Variants in ARHGAP22 observed in about 807,000 individuals in gnomAD.
ARHGAP22 encodes Rho GTPase activating protein 22.
In ARHGAP22, 48 loss-of-function variants were observed where a neutral mutation model predicts 59.1. The observed-to-expected ratio is 0.81, with a 90% CI of 0.64 to 1.03. ARHGAP22 has a LOEUF of 1.03. Ranked by LOEUF, ARHGAP22 falls within the 50% of genes least tolerant of loss-of-function variation. The probability of loss-of-function intolerance (pLI) is 0.00; values close to 1 mark genes in which losing one functional copy is unlikely to be tolerated. For missense variants in ARHGAP22, 1,015 were observed against 958.7 expected, an observed-to-expected ratio of 1.06 and a Z score of -0.78; for synonymous variants, 445 against 416.4, an observed-to-expected ratio of 1.07 and a Z score of -0.84.
chr10:48,508,487 G>A (rs915936820), intron 3 of ARHGAP22, among the ~76,000 whole-genome samples: 17 of 152,254 alleles, frequency 1.1e-4, no homozygotes, highest in African/African-American at 4.1e-4. Context: ...TCCACTGTGA[G>A]GCCCACTGCA....
chr10:48,443,345 C>T (rs1466372033), downstream of ARHGAP22, among the ~76,000 whole-genome samples: 1 of 152,154 alleles, frequency 6.6e-6, no homozygotes, highest in Non-Finnish European at 1.5e-5. Flanking sequence ...AACCTCTCAC[C>T]ATGGGCGATA....
At chr10:48,620,210 T>G (rs1320615312) in intron 1 of ARHGAP22, among the ~76,000 whole-genome samples, 1 of 152,096 alleles carries the variant, frequency 6.6e-6, no homozygotes, top group East Asian at 1.9e-4. Context: ...TGGAGCACAG[T>G]TGATTCTTGC....
At chr10:48,575,970 G>A (rs1164297535) in intron 2 of ARHGAP22, among the ~76,000 whole-genome samples, 1 of 152,186 alleles carries the variant, frequency 6.6e-6, no homozygotes, top group East Asian at 1.9e-4. Flanking sequence ...CTCTCCTCTT[G>A]GGGCTCTGAT....
At chr10:48,629,835 A>G (rs1472199063) in intron 1 of ARHGAP22, among the ~76,000 whole-genome samples, 1 of 152,258 alleles carries the variant, frequency 6.6e-6, no homozygotes, top group Non-Finnish European at 1.5e-5. Context: ...CCGCAAACAC[A>G]GAACAGCTCT....
chr10:48,481,008 C>T (rs1371711046), intron 3 of ARHGAP22, among the ~76,000 whole-genome samples: 2 of 152,226 alleles, frequency 1.3e-5, no homozygotes, highest in Admixed American at 6.5e-5. Context: ...GGGGAGAGGC[C>T]GTGGGGCCCA....
At chr10:48,585,632 T>G (rs116532430) in intron 1 of ARHGAP22, among the ~76,000 whole-genome samples, 2,216 of 152,248 alleles carry the variant, frequency 0.015, 48 homozygotes, top group African/African-American at 0.051. Context: ...CCTCATCTCT[T>G]CTCTCTGGCA....
chr10:48,603,412 A>G (rs2060498594), intron 1 of ARHGAP22, among the ~76,000 whole-genome samples: 1 of 152,244 alleles, frequency 6.6e-6, no homozygotes, highest in African/African-American at 2.4e-5. Flanking sequence ...ATTTTATTTA[A>G]CCCAATATAT....
chr10:48,451,169 T>C (rs1335736916), intron 8 of ARHGAP22, 29 bp from the exon 9 acceptor site: 2 of 1,550,476 alleles, frequency 1.3e-6, no homozygotes, highest in Non-Finnish European at 8.7e-7. Flanking sequence ...GAGAAGGGCC[T>C]TGCTGCCAGC....
At chr10:48,474,546 G>A (rs1175188360) in intron 4 of ARHGAP22, among the ~76,000 whole-genome samples, 4 of 152,028 alleles carry the variant, frequency 2.6e-5, no homozygotes, top group African/African-American at 4.8e-5. Flanking sequence ...AGTCTTCCTC[G>A]ATTAAGTATG....
chr10:48,493,661 G>T, intron 3 of ARHGAP22: 2 of 1,412,244 alleles, frequency 1.4e-6, no homozygotes, highest in Non-Finnish European at 1.8e-6. Context: ...TCTCTCCTGG[G>T]GAACTTCTGC....
exon 1 of ARHGAP22, chr10:48,652,321 T>C (rs1178611841): frequency 1.3e-6 from 2 of 1,530,816 alleles, no homozygotes; most frequent in Admixed American, 3.9e-5. Flanking sequence ...TTCTTCTGTA[T>C]CCTTTTTATA....
At chr10:48,517,813 G>T (rs1396843555) in intron 3 of ARHGAP22, among the ~76,000 whole-genome samples, 1 of 152,198 alleles carries the variant, frequency 6.6e-6, no homozygotes, top group East Asian at 1.9e-4. Context: ...AATCATCAAA[G>T]TTCAAGCCAC....
chr10:48,557,654 C>T (rs1399964388), intron 2 of ARHGAP22, among the ~76,000 whole-genome samples: 1 of 152,248 alleles, frequency 6.6e-6, no homozygotes, highest in African/African-American at 2.4e-5. Flanking sequence ...ATCATGGCAG[C>T]CACCAACTGA....
chr10:48,491,987 C>T (rs2050443667), intron 3 of ARHGAP22, among the ~76,000 whole-genome samples: 1 of 152,210 alleles, frequency 6.6e-6, no homozygotes, highest in Non-Finnish European at 1.5e-5. Context: ...GCCAGGCTTT[C>T]TCCCCTCTGA....
At chr10:48,622,899 G>A (rs924190944) in intron 1 of ARHGAP22, among the ~76,000 whole-genome samples, 1 of 152,210 alleles carries the variant, frequency 6.6e-6, no homozygotes, top group East Asian at 1.9e-4. Flanking sequence ...CACTAAAGTA[G>A]TGGGAGAGGG....
At chr10:48,548,386 T>C (rs1037227709) in intron 3 of ARHGAP22, among the ~76,000 whole-genome samples, 4 of 152,200 alleles carry the variant, frequency 2.6e-5, no homozygotes, top group Admixed American at 6.6e-5. Context: ...GAAAGACTTA[T>C]GGTTCTGGTC....
intron 1 of ARHGAP22, among the ~76,000 whole-genome samples, chr10:48,611,829 TTCC>T (rs1564997841): frequency 8.7e-5 from 2 of 22,866 alleles, no homozygotes; most frequent in Non-Finnish European, 1.7e-4. Context: ...TTCCCTTCCC[TTCC>T]CTTCCCTTCC....
At chr10:48,638,908 A>G (rs961827851) in intron 1 of ARHGAP22, among the ~76,000 whole-genome samples, 1 of 152,232 alleles carries the variant, frequency 6.6e-6, no homozygotes, top group Non-Finnish European at 1.5e-5. Flanking sequence ...TGATGAAGTC[A>G]GCAAATTCTC....
At position 48,643,541 on chromosome 10, in the gene ARHGAP22, G is replaced by A. The variant is rs139832177; in HGVS notation, c.52+8693C>T. Reference sequence around the variant, plus strand: ...CATCGCATGTTCTCACTCATAGGTCGGAATTGAACAATGAGAACATTTGGA... The same window carrying A: ...CATCGCATGTTCTCACTCATAGGTCAGAATTGAACAATGAGAACATTTGGA... On this transcript the variant is annotated intron_variant, in intron 1 of 9. Transcript: ENST00000435790. Among the ~76,000 whole-genome samples, 791 of 148,236 alleles carry A rather than the reference G, an allele frequency of 5.3e-3. 10 individuals are homozygous for A. The highest frequency in any genetic ancestry group is 0.019 in the African/African-American group (760 of 40,448).
Sources: gnomAD v4.1 joint callset for allele counts (sites outside exome capture counted in the v4.1 genomes callset) on GRCh38, gnomAD v4.1.1 for gene constraint, MANE v1.5 for transcripts, NCBI Gene and HGNC (gene_info 2026-07-23, HGNC 2026-07-21) for gene names.